Variants in VPS13B observed in about 807,000 individuals in gnomAD.
The protein encoded by VPS13B is intermembrane lipid transfer protein VPS13B.
In VPS13B, 285 loss-of-function variants were observed where a neutral mutation model predicts 426.4. The ratio of observed to expected loss-of-function variants is 0.67; its 90% CI spans 0.61 to 0.74. The LOEUF (loss-of-function observed/expected upper bound fraction) is 0.74, where lower values mean the gene tolerates loss of function less well. VPS13B is among the 30% of genes least tolerant of loss of function. The probability of loss-of-function intolerance (pLI) is 0.00; values close to 1 mark genes in which losing one functional copy is unlikely to be tolerated. For missense variants in VPS13B, 4,537 were observed against 4,782.6 expected (o/e 0.95, Z 1.51); for synonymous variants, 1,676 against 1,676.4 (o/e 1.00, Z 0.01).
intron 39 of VPS13B, among the ~76,000 whole-genome samples, chr8:99,748,105 C>T (rs1213916773): frequency 2.6e-5 from 4 of 152,008 alleles, no homozygotes; most frequent in Non-Finnish European, 5.9e-5. Context: ...CCCTAAATAG[C>T]TAATTAGGTG....
At chr8:99,340,317 C>CG (rs1811172722) in intron 19 of VPS13B, 1 of 303,206 alleles carries the variant, frequency 3.3e-6, no homozygotes, top group Admixed American at 4.2e-5. Context: ...AATAAATTGC[C>CG]GGGGGTTTCT....
chr8:99,574,460 T>G (rs1290018320), intron 31 of VPS13B, among the ~76,000 whole-genome samples: 2 of 152,176 alleles, frequency 1.3e-5, no homozygotes, highest in African/African-American at 4.8e-5. Flanking sequence ...CCCTTATTAT[T>G]TTGAGAAATG....
chr8:99,038,275 A>G (rs1053130716), intron 2 of VPS13B, 148 bp from the exon 3 acceptor site: 68 of 548,614 alleles, frequency 1.2e-4, no homozygotes, highest in Non-Finnish European at 1.9e-4. Context: ...AGGAATTTGT[A>G]TATTAGAATG....
intron 19 of VPS13B, among the ~76,000 whole-genome samples, chr8:99,360,643 A>G (rs1812510588): frequency 1.3e-5 from 2 of 152,072 alleles, no homozygotes; most frequent in Admixed American, 6.5e-5. Context: ...TAATTTATGT[A>G]ACGTTGTTAT....
At chr8:99,662,565 G>A (rs1261039505) in intron 35 of VPS13B, among the ~76,000 whole-genome samples, 1 of 152,086 alleles carries the variant, frequency 6.6e-6, no homozygotes, top group African/African-American at 2.4e-5. Flanking sequence ...TCCTGCTTCA[G>A]CCTCCCAAGT....
chr8:99,494,905 T>G (rs766565712), intron 25 of VPS13B, among the ~76,000 whole-genome samples: 9 of 152,086 alleles, frequency 5.9e-5, no homozygotes, highest in Non-Finnish European at 8.8e-5. Flanking sequence ...CTTTTACTTT[T>G]TCCATGTTAG....
rs141807249 is a variant in VPS13B at position 99,300,643 on chromosome 8, A to G, written c.2824+25389A>G. 2.0e-4 allele frequency among the ~76,000 whole-genome samples: 31 copies of G among 152,144 alleles called. 2 individuals carry two copies. The East Asian group carries it at 6.0e-3, about 29-fold the overall frequency. On this transcript the variant is annotated intron_variant, in intron 19 of 61. Coordinates refer to ENST00000357162, the MANE Select transcript of VPS13B (RefSeq NM_152564.5). ...ATTTTTGAAGGAGGTTTTCTGGGAG[A>G]TATGATGAATCATCCTGCATTCTCT...
At chr8:99,647,915 C>G (rs1829658479) in intron 34 of VPS13B, among the ~76,000 whole-genome samples, 1 of 152,126 alleles carries the variant, frequency 6.6e-6, no homozygotes, top group Admixed American at 6.6e-5. Flanking sequence ...TTGACATATT[C>G]AGGCAACTAT....
At chr8:99,663,581 AC>A (rs1408849918) in intron 35 of VPS13B, among the ~76,000 whole-genome samples, 1 of 152,222 alleles carries the variant, frequency 6.6e-6, no homozygotes, top group East Asian at 1.9e-4. Flanking sequence ...AATGAAAAAA[AC>A]ATATGCTCTT....
intron 15 of VPS13B, among the ~76,000 whole-genome samples, chr8:99,157,479 G>A (rs79348716): frequency 1.3e-5 from 2 of 151,676 alleles, no homozygotes; most frequent in South Asian, 2.1e-4. Flanking sequence ...ACTGTTTTTC[G>A]GGCACCAAGA....
At chr8:99,125,869 T>C (rs575732273) in intron 8 of VPS13B, among the ~76,000 whole-genome samples, 1 of 152,216 alleles carries the variant, frequency 6.6e-6, no homozygotes, top group South Asian at 2.1e-4. Flanking sequence ...TTCAAGACAG[T>C]TTTGTTATAA....
intron 19 of VPS13B, among the ~76,000 whole-genome samples, chr8:99,300,140 T>G (rs935819955): frequency 6.6e-6 from 1 of 152,190 alleles, no homozygotes; most frequent in Non-Finnish European, 1.5e-5. Context: ...TAGACTTATT[T>G]AAGCAAACTT....
chr8:99,310,354 C>A (rs1247317851), intron 19 of VPS13B, among the ~76,000 whole-genome samples: 1 of 152,078 alleles, frequency 6.6e-6, no homozygotes, highest in Non-Finnish European at 1.5e-5. Context: ...TGAGATACGT[C>A]CCATCAATAC....
chr8:99,688,867 T>A lies in VPS13B; in HGVS notation c.6047-10658T>A, dbSNP rs547678713. Among the ~76,000 whole-genome samples the A allele has an allele frequency of 3.1e-4, 47 of 152,100 alleles. 2 individuals carry two copies. The highest frequency in any genetic ancestry group is 1.1e-3 in the African/African-American group (45 of 41,424). On this transcript the variant is annotated intron_variant, in intron 35 of 61. Coordinates refer to ENST00000357162, the MANE Select transcript of VPS13B (RefSeq NM_152564.5). ...TATCATCTCGAGGTCACAGAAAGAATGAGGCTTGGATCCTGGTAAAACAGG... is the reference window on the plus strand; with the variant it reads ...TATCATCTCGAGGTCACAGAAAGAAAGAGGCTTGGATCCTGGTAAAACAGG...
chr8:99,289,847 T>A (rs1020992886), intron 19 of VPS13B, among the ~76,000 whole-genome samples: 5 of 152,156 alleles, frequency 3.3e-5, no homozygotes, highest in African/African-American at 1.2e-4. Flanking sequence ...AGATTTATTA[T>A]AATGACTTAT....
At chr8:99,312,574 G>T (rs761118350) in intron 19 of VPS13B, among the ~76,000 whole-genome samples, 7 of 152,240 alleles carry the variant, frequency 4.6e-5, no homozygotes, top group South Asian at 2.1e-4. Flanking sequence ...GTGGGTAACC[G>T]GACCTTTCTC....
chr8:99,697,285 G>C (rs184007869), intron 35 of VPS13B: 1 of 575,910 alleles, frequency 1.7e-6, no homozygotes, highest in African/African-American at 1.9e-5. Flanking sequence ...CTGCAGAAGC[G>C]CTCGGAGTTG....
intron 26 of VPS13B, 146 bp from the exon 27 acceptor site, chr8:99,502,690 G>T (rs947606236): frequency 1.3e-5 from 9 of 713,392 alleles, no homozygotes; most frequent in Non-Finnish European, 2.3e-5. Context: ...GGCCTATGCT[G>T]ATTTGCTTAT....
intron 30 of VPS13B, among the ~76,000 whole-genome samples, chr8:99,534,010 CATT>C (rs1337118371): frequency 6.6e-6 from 1 of 152,166 alleles, no homozygotes; most frequent in Non-Finnish European, 1.5e-5. Flanking sequence ...TATCTGGTGA[CATT>C]ATGACCCTAA....
Sources: gnomAD v4.1 joint callset for allele counts (sites outside exome capture counted in the v4.1 genomes callset) on GRCh38, gnomAD v4.1.1 for gene constraint, MANE v1.5 for transcripts, NCBI Gene and HGNC (gene_info 2026-07-23, HGNC 2026-07-21) for gene names.